Variants in RAD9B observed in about 807,000 individuals in gnomAD.
RAD9B encodes RAD9 checkpoint clamp component B.
In RAD9B, 41 loss-of-function variants were observed where a neutral mutation model predicts 48.3. That is an observed-to-expected ratio of 0.85 (90% CI 0.66 to 1.10). RAD9B has a LOEUF of 1.10. RAD9B is among the 50% of genes least tolerant of loss of function. The pLI, the probability that RAD9B is intolerant of heterozygous loss-of-function variation, is 0.00. For synonymous variants in RAD9B, 160 were observed against 157.9 expected (o/e 1.01, Z -0.10); for missense variants, 444 against 485.1 (o/e 0.92, Z 0.80).
chr12:110,525,585 G>T (rs2063912105), intron 10 of RAD9B, among the ~76,000 whole-genome samples: 1 of 152,038 alleles, frequency 6.6e-6, no homozygotes, highest in African/African-American at 2.4e-5. Context: ...GCACAGGTTG[G>T]TTTTTCTCCA....
intron 5 of RAD9B, among the ~76,000 whole-genome samples, chr12:110,513,478 T>C (rs1229576230): frequency 1.3e-5 from 2 of 151,978 alleles, no homozygotes; most frequent in African/African-American, 2.4e-5. Context: ...AACACAGAGC[T>C]TGAGGAAATT....
chr12:110,531,498 G>GT lies in RAD9B; in HGVS notation c.*850dup. 1 of 1,079,846 alleles carries GT rather than the reference G, an allele frequency of 9.3e-7. No individual in the cohort carries two copies. Among genetic ancestry groups the GT allele is most frequent in the African/African-American group, 1.6e-5 (1 of 64,002 alleles). The allele number at this position is 1,079,846 out of a possible 1,614,324, so 66.9% of individuals were successfully genotyped here. A position where few individuals can be genotyped will look rare whatever the true frequency, so the allele number is the denominator to read the frequency against. On this transcript the variant is annotated 3_prime_UTR_variant, in exon 11 of 11. Transcript: ENST00000409300. ...TGAGCCACTGCGCCCAACCTGGAGT[G>GT]TTTTTACATATTGTAAAATTTTATT...
chr12:110,506,826 C>A, intron 4 of RAD9B, 133 bp downstream of exon 4: 1 of 522,462 alleles, frequency 1.9e-6, no homozygotes, highest in Admixed American at 3.7e-5. Flanking sequence ...AGTGGTAGGG[C>A]AGTTTGAAGT....
intron 4 of RAD9B, among the ~76,000 whole-genome samples, chr12:110,509,434 C>T (rs1488264823): frequency 1.3e-5 from 2 of 151,848 alleles, no homozygotes; most frequent in Non-Finnish European, 2.9e-5. Context: ...TCACACCTGG[C>T]TAATTTTTAA....
intron 10 of RAD9B, among the ~76,000 whole-genome samples, chr12:110,525,703 T>A (rs970525376): frequency 6.6e-6 from 1 of 152,188 alleles, no homozygotes; most frequent in Non-Finnish European, 1.5e-5. Flanking sequence ...TGTGGAGAGA[T>A]ACTTTGATAC....
chr12:110,526,537 A>G (rs941912894), intron 10 of RAD9B, among the ~76,000 whole-genome samples: 3 of 152,214 alleles, frequency 2.0e-5, no homozygotes, highest in Admixed American at 1.3e-4. Flanking sequence ...GAACAGACAC[A>G]GGTGCTGTAT....
chr12:110,519,048 C>T, intron 8 of RAD9B, 110 bp downstream of exon 8: 1 of 695,836 alleles, frequency 1.4e-6, no homozygotes, highest in Non-Finnish European at 2.4e-6. Context: ...CTAAACTTTA[C>T]TATTAATACT....
At chr12:110,519,409 TTTGTTGTTGTTG>T (rs200200978) in intron 8 of RAD9B, among the ~76,000 whole-genome samples, 30 of 116,782 alleles carry the variant, frequency 2.6e-4, no homozygotes, top group Middle Eastern at 4.3e-3. Flanking sequence ...CGGCCTACTG[TTTGTTGTTGTTG>T]TTGTTGTTGT....
Position 110,532,686 on chromosome 12 carries a change from T to C in RAD9B, c.*2033T>C, listed in dbSNP as rs1487447486. ...CCCATAAGATAATGGAGCTGCCCTA[T>C]ACAGGTGTACCATTTTTTTGTCTTT... On this transcript the variant is annotated 3_prime_UTR_variant, in exon 11 of 11. Transcript: ENST00000409300. Among the ~76,000 whole-genome samples, 1 of 152,256 alleles carries C rather than the reference T, an allele frequency of 6.6e-6. No homozygotes were observed. The highest frequency in any genetic ancestry group is 1.5e-5 in the Non-Finnish European group (1 of 68,044).
intron 8 of RAD9B, 45 bp from the exon 9 acceptor site, chr12:110,519,749 C>T (rs1425712893): frequency 6.4e-7 from 1 of 1,567,496 alleles, no homozygotes; most frequent in Non-Finnish European, 8.6e-7. Context: ...TTCTAATGTC[C>T]ATCAGAAAAT....
At position 110,532,584 on chromosome 12, in the gene RAD9B, G is replaced by A. The variant is rs1348911066; in HGVS notation, c.*1931G>A. 6.6e-6 allele frequency among the ~76,000 whole-genome samples: 1 copy of A among 152,196 alleles called. No homozygotes were observed. Among genetic ancestry groups the A allele is most frequent in the Admixed American group, 6.5e-5 (1 of 15,272 alleles). ...CTTTGGATTTTAGAATTTGGATACA[G>A]AGTGCTAAGCTGAAATACAGTCATG... On this transcript the variant is annotated 3_prime_UTR_variant, in exon 11 of 11. Transcript: ENST00000409300.
intron 10 of RAD9B, among the ~76,000 whole-genome samples, chr12:110,524,358 C>G (rs1172668881): frequency 6.6e-6 from 1 of 151,686 alleles, no homozygotes; most frequent in Non-Finnish European, 1.5e-5. Flanking sequence ...GTCAGGAGTT[C>G]AAGACCAGCC....
chr12:110,522,381 G>A lies in RAD9B; in HGVS notation c.1095G>A (p.Glu365=), dbSNP rs375577417. The change falls in exon 10 of 11, where the codon GAG becomes GAA. Residue 365 remains glutamate (E), a synonymous_variant. Transcript: ENST00000409300. ...EVSESSVSNT[E]EVPGSLCLRK... is the part of the protein sequence containing the mutation. Reference sequence around the variant, plus strand: ...CAGAAAGCAGTGTCAGCAACACAGAGGAAGTGCCAGGGTCTCTGTGTCTCA... The same window carrying A: ...CAGAAAGCAGTGTCAGCAACACAGAAGAAGTGCCAGGGTCTCTGTGTCTCA... 35 of 1,611,956 alleles carry A rather than the reference G, an allele frequency of 2.2e-5. No individual in the cohort carries two copies. The highest frequency in any genetic ancestry group is 2.9e-5 in the Non-Finnish European group (34 of 1,179,050).
intron 4 of RAD9B, among the ~76,000 whole-genome samples, chr12:110,510,385 A>C (rs1335458808): frequency 6.6e-6 from 1 of 152,132 alleles, no homozygotes. Flanking sequence ...CAATACCTGG[A>C]GATGTTTCCT....
chr12:110,510,387 A>G (rs1401967316), intron 4 of RAD9B, among the ~76,000 whole-genome samples: 4 of 152,116 alleles, frequency 2.6e-5, no homozygotes, highest in Non-Finnish European at 5.9e-5. Flanking sequence ...ATACCTGGAG[A>G]TGTTTCCTCA....
At chr12:110,524,511 G>A (rs959762423) in intron 10 of RAD9B, among the ~76,000 whole-genome samples, 1 of 152,162 alleles carries the variant, frequency 6.6e-6, no homozygotes, top group African/African-American at 2.4e-5. Context: ...GCAGTGAGCT[G>A]AGATCGTGCC....
At chr12:110,511,412 A>G (rs907213500) in intron 4 of RAD9B, 1 of 432,158 alleles carries the variant, frequency 2.3e-6, no homozygotes, top group Non-Finnish European at 4.7e-6. Context: ...AAATAATGAA[A>G]TCTTGTCATT....
intron 5 of RAD9B, among the ~76,000 whole-genome samples, chr12:110,513,730 A>T (rs951492165): frequency 2.2e-5 from 2 of 91,902 alleles, no homozygotes; most frequent in South Asian, 4.9e-4. Context: ...TATTATTATT[A>T]TTATTATTTT....
At chr12:110,523,302 C>CT (rs1487937096) in intron 10 of RAD9B, among the ~76,000 whole-genome samples, 4 of 152,062 alleles carry the variant, frequency 2.6e-5, no homozygotes, top group Admixed American at 6.6e-5. Flanking sequence ...GATGTGGTGG[C>CT]TGTAGACCTA....
Sources: gnomAD v4.1 joint callset for allele counts (sites outside exome capture counted in the v4.1 genomes callset) on GRCh38, gnomAD v4.1.1 for gene constraint, MANE v1.5 for transcripts, NCBI Gene and HGNC (gene_info 2026-07-23, HGNC 2026-07-21) for gene names.